SLCO3A1: variants seen among roughly 807,000 people sequenced by gnomAD.
SLCO3A1 encodes solute carrier organic anion transporter family member 3A1.
In SLCO3A1, 27 loss-of-function variants were observed where a neutral mutation model predicts 63.1. That is an observed-to-expected ratio of 0.43 (90% CI 0.32 to 0.59). The LOEUF (loss-of-function observed/expected upper bound fraction) is 0.59, where lower values mean the gene tolerates loss of function less well. Ranked by LOEUF, SLCO3A1 falls within the 20% of genes least tolerant of loss-of-function variation. The pLI is 0.09. For synonymous variants in SLCO3A1, 473 were observed against 409.9 expected, an observed-to-expected ratio of 1.15 and a Z score of -1.86; for missense variants, 773 against 945.8, an observed-to-expected ratio of 0.82 and a Z score of 2.40.
intron 2 of SLCO3A1, among the ~76,000 whole-genome samples, chr15:91,927,806 G>C (rs1048334486): frequency 3.3e-5 from 5 of 152,190 alleles, no homozygotes; most frequent in African/African-American, 1.2e-4. Context: ...CTCAGCAAGA[G>C]GTCTCATTAA....
chr15:92,150,646 C>T lies in SLCO3A1; in HGVS notation c.1689-304C>T, dbSNP rs150506379. Among the ~76,000 whole-genome samples, 9 of 152,156 alleles carry T rather than the reference C, an allele frequency of 5.9e-5. No individual in the cohort carries two copies. In the East Asian group the frequency reaches 1.4e-3, roughly 23 times the overall value. On this transcript the variant is annotated intron_variant, in intron 8 of 9. Coordinates refer to ENST00000318445, the MANE Select transcript of SLCO3A1 (RefSeq NM_013272.4). ...TGCTTCCTGATCTCAGCAAAACCAA[C>T]ATGTCTTTAAACGCAGGTTTTATGA...
chr15:91,871,688 T>G (rs1466165515), intron 1 of SLCO3A1, among the ~76,000 whole-genome samples: 1 of 152,062 alleles, frequency 6.6e-6, no homozygotes, highest in Non-Finnish European at 1.5e-5. Flanking sequence ...CCACACTGGA[T>G]TCTTTTTCCT....
At chr15:91,988,208 G>A (rs113837186) in intron 2 of SLCO3A1, among the ~76,000 whole-genome samples, 8,140 of 152,132 alleles carry the variant, frequency 0.054, 321 homozygotes, top group Non-Finnish European at 0.081. Context: ...TTTAAGACCA[G>A]CCTGGGCAAT....
At chr15:91,927,571 G>A (rs1211669395) in intron 2 of SLCO3A1, among the ~76,000 whole-genome samples, 2 of 152,154 alleles carry the variant, frequency 1.3e-5, no homozygotes, top group Non-Finnish European at 2.9e-5. Context: ...CCTATTTCGG[G>A]TGTCGGGGGA....
chr15:91,927,507 C>A (rs1230946008), intron 2 of SLCO3A1, among the ~76,000 whole-genome samples: 4 of 152,066 alleles, frequency 2.6e-5, no homozygotes, highest in Non-Finnish European at 5.9e-5. Flanking sequence ...ATTGGCAAAC[C>A]TTTTATGGGA....
At chr15:92,016,920 C>T (rs1184570755) in intron 2 of SLCO3A1, among the ~76,000 whole-genome samples, 1 of 152,180 alleles carries the variant, frequency 6.6e-6, no homozygotes, top group Admixed American at 6.5e-5. Context: ...CTTGATCGCA[C>T]ATTTGAAAAT....
Position 92,137,914 on chromosome 15 carries a change from T to C in SLCO3A1, c.1513-9070T>C, listed in dbSNP as rs1259011147. Among the ~76,000 whole-genome samples the C allele has an allele frequency of 9.1e-5, 11 of 120,384 alleles. 2 individuals carry two copies. Among genetic ancestry groups the C allele is most frequent in the Non-Finnish European group, 1.6e-4 (10 of 61,200 alleles). The allele number at this position is 120,384 out of a possible 152,430, so 79.0% of individuals were successfully genotyped here. On this transcript the variant is annotated intron_variant, in intron 7 of 9. Transcript: ENST00000318445. ...AGTAGGTTGCGAAAATTTTCTCCCA[T>C]TTTGTAGGTTGCCTTTTCACTCTGA...
chr15:92,038,521 AATACCTAGGG>A, intron 2 of SLCO3A1, among the ~76,000 whole-genome samples: 1 of 152,286 alleles, frequency 6.6e-6, no homozygotes, highest in South Asian at 2.1e-4. Context: ...AAGAGAATAA[AATACCTAGGG>A]ATACAGCTAA....
chr15:92,164,015 A>G lies in SLCO3A1; in HGVS notation c.*880A>G, dbSNP rs571906647. ...TCCAAGTCATTTGCTTACATTTGCC[A>G]AAAACATTTTGCCATTTTTAAAAGA... On this transcript the variant is annotated 3_prime_UTR_variant, in exon 10 of 10. Transcript: ENST00000318445. 1.7e-5 allele frequency: 17 copies of G among 984,948 alleles called. No homozygotes were observed. The South Asian group carries it at 8.0e-4, about 46-fold the overall frequency. The allele number at this position is 984,948 out of a possible 1,614,324, so 61.0% of individuals were successfully genotyped here. A position where few individuals can be genotyped will look rare whatever the true frequency, so the allele number is the denominator to read the frequency against.
chr15:91,867,877 G>A (rs2054541243), intron 1 of SLCO3A1, among the ~76,000 whole-genome samples: 1 of 152,188 alleles, frequency 6.6e-6, no homozygotes, highest in Non-Finnish European at 1.5e-5. Context: ...CTGTGTGAAA[G>A]GTTGTGTGAG....
At position 91,954,342 on chromosome 15, in the gene SLCO3A1, C is replaced by T. The variant is rs1020022705; in HGVS notation, c.646+37884C>T. ...CCATGGAAGTGGCAGATCCTGAATGCCATCTGCAGGACGGGCACTGTGCTG... is the reference window on the plus strand; with the variant it reads ...CCATGGAAGTGGCAGATCCTGAATGTCATCTGCAGGACGGGCACTGTGCTG... On this transcript the variant is annotated intron_variant, in intron 2 of 9. Coordinates refer to ENST00000318445, the MANE Select transcript of SLCO3A1 (RefSeq NM_013272.4). This position sits in a 1 kb window ranked among gnomAD's most constrained non-coding sequence, Gnocchi z 4.7. Among the ~76,000 whole-genome samples the T allele has an allele frequency of 2.6e-5, 4 of 152,330 alleles. No individual in the cohort carries two copies. The highest frequency in any genetic ancestry group is 3.4e-3 in the Middle Eastern group (1 of 294).
chr15:92,010,604 G>T (rs537271906), intron 2 of SLCO3A1, among the ~76,000 whole-genome samples: 46 of 152,224 alleles, frequency 3.0e-4, no homozygotes, highest in Admixed American at 1.4e-3. Context: ...CAGTGCCATT[G>T]TCCTTACCTG....
chr15:91,957,552 C>T (rs188682176), intron 2 of SLCO3A1, among the ~76,000 whole-genome samples: 49 of 152,124 alleles, frequency 3.2e-4, no homozygotes, highest in African/African-American at 1.1e-3. Flanking sequence ...GCTCAGTTCC[C>T]ACCTCAGGGC....
intron 2 of SLCO3A1, among the ~76,000 whole-genome samples, chr15:92,030,286 T>C (rs958008461): frequency 7.2e-5 from 11 of 152,186 alleles, no homozygotes; most frequent in African/African-American, 2.7e-4. Context: ...TTTTCTTAGA[T>C]GAATACCAAG....
Position 91,897,662 on chromosome 15 carries a change from C to A in SLCO3A1, c.181-18331C>A, listed in dbSNP as rs928201879. Among the ~76,000 whole-genome samples, 1 of 152,168 alleles carries A rather than the reference C, an allele frequency of 6.6e-6. No homozygotes were observed. The highest frequency in any genetic ancestry group is 1.5e-5 in the Non-Finnish European group (1 of 68,018). ...GCTGATGAAATGCTGGGACTGTCCT[C>A]TTGATAAAGTTAGTCTCCCTGGACA... On this transcript the variant is annotated intron_variant, in intron 1 of 9. Coordinates refer to ENST00000318445, the MANE Select transcript of SLCO3A1 (RefSeq NM_013272.4). The surrounding 1 kb of genome is among the most constrained non-coding windows in gnomAD (Gnocchi z 4.7).
intron 1 of SLCO3A1, among the ~76,000 whole-genome samples, chr15:91,874,156 T>A (rs552326727): frequency 6.6e-6 from 1 of 152,302 alleles, no homozygotes; most frequent in East Asian, 1.9e-4. Context: ...TTAACAACAA[T>A]AATAATTCAA....
chr15:92,061,153 T>C (rs2047081860), intron 2 of SLCO3A1, among the ~76,000 whole-genome samples: 1 of 152,228 alleles, frequency 6.6e-6, no homozygotes. Context: ...TTCCCTCTTT[T>C]CTACCTTTGC....
chr15:91,866,521 G>A (rs1897167888), intron 1 of SLCO3A1, among the ~76,000 whole-genome samples: 1 of 151,082 alleles, frequency 6.6e-6, no homozygotes, highest in Non-Finnish European at 1.5e-5. Flanking sequence ...GGTTTTTTTG[G>A]TGGGGGTAGG....
chr15:91,984,672 C>A (rs1016214386), intron 2 of SLCO3A1, among the ~76,000 whole-genome samples: 1 of 152,106 alleles, frequency 6.6e-6, no homozygotes, highest in South Asian at 2.1e-4. Flanking sequence ...GCCCTGATGG[C>A]TTTATACTGT....
Sources: allele counts gnomAD v4.1 joint callset (sites outside exome capture counted in the v4.1 genomes callset), GRCh38; gene constraint gnomAD v4.1.1; non-coding constraint Gnocchi (gnomAD v3.1); transcripts MANE v1.5; gene names NCBI Gene and HGNC (gene_info 2026-07-23, HGNC 2026-07-21).